The following SEC23IP variants were observed in gnomAD, a reference collection of about 807,000 sequenced individuals.
SEC23IP encodes SEC23-interacting protein.
SEC23IP carries 70 observed loss-of-function variants against 113.4 expected under a neutral mutation model. That is an observed-to-expected ratio of 0.62 (90% CI 0.51 to 0.75). SEC23IP has a LOEUF of 0.75. Among genes scored for constraint, SEC23IP ranks in the 30% least tolerant of loss-of-function variants. The pLI is 0.00. For missense variants in SEC23IP, 1,160 were observed against 1,204.9 expected, an observed-to-expected ratio of 0.96 and a Z score of 0.55; for synonymous variants, 398 against 421.0, an observed-to-expected ratio of 0.95 and a Z score of 0.67.
chr10:119,909,960 A>G (rs1854806034), intron 5 of SEC23IP, among the ~76,000 whole-genome samples: 1 of 152,216 alleles, frequency 6.6e-6, no homozygotes, highest in Non-Finnish European at 1.5e-5. Flanking sequence ...TTAGTATGCA[A>G]TGTAGAAGTT....
intron 15 of SEC23IP, 104 bp downstream of exon 15, chr10:119,930,535 T>G (rs1855563391): frequency 1.6e-6 from 1 of 615,570 alleles, no homozygotes; most frequent in South Asian, 2.3e-5. Context: ...TTAATATTAT[T>G]TAAGTGCCTA....
Position 119,929,733 on chromosome 10 carries a change from T to C in SEC23IP, c.2440T>C (p.Cys814Arg). The C allele has an allele frequency of 6.3e-7, 1 of 1,597,060 alleles. No homozygotes were observed. Among genetic ancestry groups the C allele is most frequent in the Admixed American group, 1.7e-5 (1 of 59,742 alleles). ...RIDENYSLPTCKGFFNIYHPL... is the reference protein window; with the variant it reads ...RIDENYSLPTRKGFFNIYHPL... ...AGATGAGAATTACAGCCTTCCTACCTGTAAAGGGTTCTTCAATATTTATCA... is the reference window on the plus strand; with the variant it reads ...AGATGAGAATTACAGCCTTCCTACCCGTAAAGGGTTCTTCAATATTTATCA... The change falls in exon 14 of 19, where the codon TGT (cysteine) becomes CGT (arginine). Residue 814 changes from cysteine to arginine, a missense_variant. By Grantham distance (180) the Cys-to-Arg change is radical (BLOSUM62 -3). Coordinates refer to ENST00000369075, the MANE Select transcript of SEC23IP (RefSeq NM_007190.4).
intron 12 of SEC23IP, 30 bp from the exon 13 acceptor site, chr10:119,926,006 A>T: frequency 6.3e-7 from 1 of 1,576,344 alleles, no homozygotes; most frequent in Non-Finnish European, 8.6e-7. Context: ...TTTTCTCATG[A>T]TTATGTTACT....
intron 4 of SEC23IP, among the ~76,000 whole-genome samples, chr10:119,908,083 C>G (rs914772071): frequency 6.6e-6 from 1 of 152,072 alleles, no homozygotes; most frequent in Admixed American, 6.5e-5. Flanking sequence ...AAAAATAATG[C>G]TATTTTATAT....
intron 5 of SEC23IP, 101 bp from the exon 6 acceptor site, chr10:119,911,943 T>C: frequency 1.4e-6 from 2 of 1,384,426 alleles, no homozygotes; most frequent in East Asian, 4.6e-5. Context: ...TTATAAACTC[T>C]CCGTACTCTG....
intron 7 of SEC23IP, among the ~76,000 whole-genome samples, 167 bp downstream of exon 7, chr10:119,914,986 C>T (rs1372497738): frequency 6.6e-6 from 1 of 152,124 alleles, no homozygotes; most frequent in Non-Finnish European, 1.5e-5. Context: ...TTGATTTGCT[C>T]TTGTGACATA....
At chr10:119,930,775 T>C (rs1485523368) in intron 15 of SEC23IP, among the ~76,000 whole-genome samples, 2 of 152,228 alleles carry the variant, frequency 1.3e-5, no homozygotes, top group Non-Finnish European at 2.9e-5. Flanking sequence ...GAAATAAACT[T>C]GATGTTGTCG....
intron 4 of SEC23IP, among the ~76,000 whole-genome samples, chr10:119,907,546 C>A (rs111856855): frequency 6.6e-6 from 1 of 152,306 alleles, no homozygotes; most frequent in South Asian, 2.1e-4. Flanking sequence ...GAGGTCCTCA[C>A]GCTTGTTCTT....
chr10:119,898,996 C>G, intron 2 of SEC23IP, 37 bp downstream of exon 2: 1 of 1,458,700 alleles, frequency 6.9e-7, no homozygotes, highest in East Asian at 2.3e-5. Flanking sequence ...CTTATTCACT[C>G]TGTGTCTTCT....
chr10:119,934,889 C>T (rs1369156179), intron 18 of SEC23IP, among the ~76,000 whole-genome samples: 1 of 152,220 alleles, frequency 6.6e-6, no homozygotes, highest in Non-Finnish European at 1.5e-5. Context: ...CTAATCTCAT[C>T]ACTTTGGGAG....
intron 13 of SEC23IP, among the ~76,000 whole-genome samples, chr10:119,928,801 T>G (rs1855498735): frequency 6.6e-6 from 1 of 152,268 alleles, no homozygotes; most frequent in Non-Finnish European, 1.5e-5. Flanking sequence ...ACTCAAAATG[T>G]GCTCTTTCAG....
chr10:119,939,389 A>T lies in SEC23IP; in HGVS notation c.*21-1197A>T, dbSNP rs535549944. ...TGGCAGATAACTAACTTTATTTTTT[A>T]TTAATATTTTAGCTGGTCACGGTGG... On this transcript the variant is annotated intron_variant, in intron 18 of 18. Transcript: ENST00000369075. Among the ~76,000 whole-genome samples, 379 of 152,326 alleles carry T rather than the reference A, an allele frequency of 2.5e-3. 3 individuals carry two copies. The highest frequency in any genetic ancestry group is 3.7e-3 in the Non-Finnish European group (251 of 68,042).
At position 119,915,901 on chromosome 10, in the gene SEC23IP, T is replaced by C. The variant is rs55748524; in HGVS notation, c.1544+12T>C. 880 of 1,458,116 alleles carry C rather than the reference T, an allele frequency of 6.0e-4. 1 individual carries two copies. In the African/African-American group the frequency reaches 0.011, roughly 19 times the overall value. 90.3% of individuals were successfully genotyped at this position (1,458,116 alleles called of 1,614,324 possible). A position where few individuals can be genotyped will look rare whatever the true frequency, so the allele number is the denominator to read the frequency against. ...ACAGGTGTGGACAGGTTTGTGGATTTTGATAACTTGTTTTTCAGATTAGTC... is the reference window on the plus strand; with the variant it reads ...ACAGGTGTGGACAGGTTTGTGGATTCTGATAACTTGTTTTTCAGATTAGTC... On this transcript the variant is annotated intron_variant, in intron 8 of 18. Coordinates refer to ENST00000369075, the MANE Select transcript of SEC23IP (RefSeq NM_007190.4).
chr10:119,925,518 A>G (rs1855391604), intron 12 of SEC23IP, among the ~76,000 whole-genome samples: 1 of 152,164 alleles, frequency 6.6e-6, no homozygotes, highest in African/African-American at 2.4e-5. Flanking sequence ...ATGCATTTCT[A>G]AAAAGGACAT....
chr10:119,929,784 G>T, intron 14 of SEC23IP, 22 bp downstream of exon 14: 2 of 1,523,934 alleles, frequency 1.3e-6, no homozygotes, highest in South Asian at 1.2e-5. Context: ...AATTTACTTT[G>T]TTTTTTAAAA....
rs1444039921 is a variant in SEC23IP at position 119,929,522 on chromosome 10, C to T, written c.2314-85C>T. 3.3e-6 allele frequency: 4 copies of T among 1,202,626 alleles called. No individual in the cohort carries two copies. In the South Asian group the frequency reaches 4.0e-5, roughly 12 times the overall value. 74.5% of individuals were successfully genotyped at this position (1,202,626 alleles called of 1,614,324 possible). A position where few individuals can be genotyped will look rare whatever the true frequency, so the allele number is the denominator to read the frequency against. On this transcript the variant is annotated intron_variant, in intron 13 of 18. Coordinates refer to ENST00000369075, the MANE Select transcript of SEC23IP (RefSeq NM_007190.4). ...GTGCTGGGATTACAGGCATGAGCCA[C>T]CACGCCCGGCCTGAAAATTCAAAAG... is the stretch of plus-strand genomic sequence containing the variant.
chr10:119,928,507 A>T (rs1174983328), intron 13 of SEC23IP, among the ~76,000 whole-genome samples: 1 of 152,248 alleles, frequency 6.6e-6, no homozygotes, highest in East Asian at 1.9e-4. Flanking sequence ...TAGAAGTCCC[A>T]CATCTAAGTC....
rs767919384 is a variant in SEC23IP, at chr10:119,898,621, C to T, written c.358C>T (p.Leu120Phe). The T allele has an allele frequency of 1.2e-6, 2 of 1,614,242 alleles. No homozygotes were observed. The highest frequency in any genetic ancestry group is 3.3e-5 in the Admixed American group (2 of 60,026). The change falls in exon 2 of 19, where the codon CTC (leucine) becomes TTC (phenylalanine). Residue 120 changes from leucine to phenylalanine, a missense_variant. By Grantham distance (22) the Leu-to-Phe change is conservative (BLOSUM62 0). Transcript: ENST00000369075. ...QSGFPKPLTA[L>F]PFTTGSQDVS... ...AGGATTCCCCAAGCCCCTGACTGCT[C>T]TCCCTTTTACAACTGGATCCCAAGA...
intron 2 of SEC23IP, among the ~76,000 whole-genome samples, chr10:119,901,215 C>T (rs1330800379): frequency 2.0e-5 from 3 of 151,888 alleles, no homozygotes; most frequent in African/African-American, 4.8e-5. Context: ...CTGTGTTGCT[C>T]ATGTTGGGCT....
Sources: gnomAD v4.1 joint callset for allele counts (sites outside exome capture counted in the v4.1 genomes callset) on GRCh38, gnomAD v4.1.1 for gene constraint, MANE v1.5 for transcripts, NCBI Gene and HGNC (gene_info 2026-07-23, HGNC 2026-07-21) for gene names.